AGPS: variants seen among roughly 807,000 people sequenced by gnomAD.
AGPS encodes alkylglycerone phosphate synthase, also known as alkyldihydroxyacetonephosphate synthase, peroxisomal.
AGPS carries 26 observed loss-of-function variants against 90.7 expected under a neutral mutation model. The ratio of observed to expected loss-of-function variants is 0.29; its 90% CI spans 0.21 to 0.40. The LOEUF is 0.40. Ranked by LOEUF, AGPS falls within the 10% of genes least tolerant of loss-of-function variation. The probability of loss-of-function intolerance (pLI) is 1.00; values close to 1 mark genes in which losing one functional copy is unlikely to be tolerated. For synonymous variants in AGPS, 294 were observed against 285.3 expected, an observed-to-expected ratio of 1.03 and a Z score of -0.31; for missense variants, 540 against 816.1, an observed-to-expected ratio of 0.66 and a Z score of 4.12.
chr2:177,410,245 G>T (rs1174119188), intron 1 of AGPS, among the ~76,000 whole-genome samples: 1 of 152,094 alleles, frequency 6.6e-6, no homozygotes, highest in East Asian at 1.9e-4. Flanking sequence ...TTCAATATCC[G>T]CTTGGCAGTT....
At chr2:177,517,265 A>G (rs1446733572) in intron 17 of AGPS, among the ~76,000 whole-genome samples, 1 of 152,056 alleles carries the variant, frequency 6.6e-6, no homozygotes, top group Admixed American at 6.5e-5. Context: ...AACATTCTTG[A>G]TATCTTTTGT....
chr2:177,518,111 A>C (rs1689073171), intron 17 of AGPS, among the ~76,000 whole-genome samples: 1 of 152,184 alleles, frequency 6.6e-6, no homozygotes, highest in Admixed American at 6.5e-5. Flanking sequence ...TCCACTCTAC[A>C]ATTACTATTT....
intron 2 of AGPS, among the ~76,000 whole-genome samples, chr2:177,431,098 GTGTCGGCTGGTC>G (rs925465165): frequency 6.6e-6 from 1 of 152,134 alleles, no homozygotes; most frequent in African/African-American, 2.4e-5. Flanking sequence ...TTTTCCCTAA[GTGTCGGCTGGTC>G]TGAGAAATAA....
At position 177,431,734 on chromosome 2, in the gene AGPS, C is replaced by T. The variant is rs1174533614; in HGVS notation, c.351-2593C>T. ...AATATGGCTCTATTGTGCCTGACCCCGCAGGCAGTCAGACCTTTGGTTGTG... is the reference window on the plus strand; with the variant it reads ...AATATGGCTCTATTGTGCCTGACCCTGCAGGCAGTCAGACCTTTGGTTGTG... On this transcript the variant is annotated intron_variant, in intron 2 of 19. Coordinates refer to ENST00000264167, the MANE Select transcript of AGPS (RefSeq NM_003659.4). Among the ~76,000 whole-genome samples the T allele has an allele frequency of 2.6e-5, 4 of 152,166 alleles. No individual in the cohort carries two copies. In the South Asian group the frequency reaches 6.2e-4, roughly 24 times the overall value.
At position 177,440,709 on chromosome 2, in the gene AGPS, A is replaced by G. The variant is rs6732250; in HGVS notation, c.638-256A>G. Among the ~76,000 whole-genome samples, 131,225 of 152,072 alleles carry G rather than the reference A, an allele frequency of 0.86. 56,827 individuals are homozygous for G. Among genetic ancestry groups the G allele is most frequent in the East Asian group, 0.95 (4,917 of 5,182 alleles). On this transcript the variant is annotated intron_variant, in intron 5 of 19. Transcript: ENST00000264167. Reference sequence around the variant, plus strand: ...GGTTTTGAAATTGGACTGTAGCTACATAAGATGTTAGTATTTGGGGATGTG... The same window carrying G: ...GGTTTTGAAATTGGACTGTAGCTACGTAAGATGTTAGTATTTGGGGATGTG...
intron 8 of AGPS, among the ~76,000 whole-genome samples, 173 bp from the exon 9 acceptor site, chr2:177,461,720 A>AT (rs1205839967): frequency 6.6e-6 from 1 of 151,120 alleles, no homozygotes; most frequent in Non-Finnish European, 1.5e-5. Flanking sequence ...GCTTAAAAAA[A>AT]TTTTTAGGAC....
intron 1 of AGPS, among the ~76,000 whole-genome samples, chr2:177,417,041 A>G (rs918682587): frequency 7.2e-5 from 11 of 152,170 alleles, no homozygotes; most frequent in Non-Finnish European, 1.6e-4. Flanking sequence ...TCATTACACT[A>G]TCGGAAGTAT....
chr2:177,394,252 G>A (rs553136745), intron 1 of AGPS, among the ~76,000 whole-genome samples: 9 of 152,156 alleles, frequency 5.9e-5, no homozygotes, highest in East Asian at 1.9e-4. Flanking sequence ...ATAATACAGC[G>A]TTATAAGAAA....
chr2:177,465,448 A>G (rs1479502260), intron 9 of AGPS, among the ~76,000 whole-genome samples: 1 of 152,198 alleles, frequency 6.6e-6, no homozygotes, highest in African/African-American at 2.4e-5. Flanking sequence ...GCTTGGGCCC[A>G]CTGGGCTTGT....
intron 8 of AGPS, among the ~76,000 whole-genome samples, chr2:177,451,988 T>A (rs1686967705): frequency 6.6e-6 from 1 of 152,218 alleles, no homozygotes; most frequent in Non-Finnish European, 1.5e-5. Flanking sequence ...TTTTGGGATT[T>A]TTCCAGATAT....
At chr2:177,439,038 G>T (rs1686511989) in intron 5 of AGPS, among the ~76,000 whole-genome samples, 1 of 151,876 alleles carries the variant, frequency 6.6e-6, no homozygotes, top group Non-Finnish European at 1.5e-5. Flanking sequence ...TTTAAGTCTG[G>T]CTTTGATCTG....
chr2:177,420,194 A>C, intron 1 of AGPS, 75 bp from the exon 2 acceptor site: 1 of 935,806 alleles, frequency 1.1e-6, no homozygotes, highest in Non-Finnish European at 1.7e-6. Context: ...ATTGTGAGTT[A>C]ATAATCAATG....
Position 177,538,516 on chromosome 2 carries a change from G to A in AGPS, c.*321G>A. The stretch of plus-strand genomic sequence containing the variant: ...GTTTTGTATTGTTGCTTCCTCTTGG[G>A]GAACAAAGACAGATTTGGTATCATT... On this transcript the variant is annotated 3_prime_UTR_variant, in exon 20 of 20. Transcript: ENST00000264167. 2.9e-6 allele frequency: 1 copy of A among 350,822 alleles called. No individual in the cohort carries two copies. Among genetic ancestry groups the A allele is most frequent in the South Asian group, 2.6e-5 (1 of 38,804 alleles). 21.7% of individuals were successfully genotyped at this position (350,822 alleles called of 1,614,324 possible).
chr2:177,444,420 CAAAAAAAAAAA>C (rs10618529), intron 7 of AGPS, among the ~76,000 whole-genome samples: 9 of 90,998 alleles, frequency 9.9e-5, no homozygotes, highest in Non-Finnish European at 1.9e-4. Context: ...GACTCTGTCT[CAAAAAAAAAAA>C]AAAAAAAAAG....
intron 9 of AGPS, among the ~76,000 whole-genome samples, chr2:177,464,814 A>G (rs1288272472): frequency 6.6e-6 from 1 of 152,228 alleles, no homozygotes; most frequent in Non-Finnish European, 1.5e-5. Context: ...GCACTGTTAG[A>G]AGGAAAAACA....
chr2:177,503,898 G>A (rs1431431602), intron 14 of AGPS, among the ~76,000 whole-genome samples: 1 of 152,070 alleles, frequency 6.6e-6, no homozygotes, highest in Non-Finnish European at 1.5e-5. Context: ...ATCCTAATGT[G>A]AACAGATCTG....
intron 14 of AGPS, among the ~76,000 whole-genome samples, chr2:177,501,881 T>C (rs1688570624): frequency 6.6e-6 from 1 of 152,218 alleles, no homozygotes; most frequent in Admixed American, 6.5e-5. Context: ...TTGGTCAGGC[T>C]GGTCTCGAAC....
At chr2:177,408,529 G>T (rs184392149) in intron 1 of AGPS, among the ~76,000 whole-genome samples, 9 of 152,086 alleles carry the variant, frequency 5.9e-5, no homozygotes, top group Admixed American at 5.9e-4. Flanking sequence ...TAAGATTTGG[G>T]TATAGATTTA....
At chr2:177,489,799 T>G (rs943720278) in intron 11 of AGPS, among the ~76,000 whole-genome samples, 2 of 152,246 alleles carry the variant, frequency 1.3e-5, no homozygotes, top group Admixed American at 1.3e-4. Flanking sequence ...GTAAGCAATT[T>G]CTGTCTGAGT....
Sources: allele counts gnomAD v4.1 joint callset (sites outside exome capture counted in the v4.1 genomes callset), GRCh38; gene constraint gnomAD v4.1.1; transcripts MANE v1.5; gene names NCBI Gene and HGNC (gene_info 2026-07-23, HGNC 2026-07-21).